The following ZNF716 variants were observed in gnomAD, a reference collection of about 807,000 sequenced individuals.
ZNF716 encodes the protein zinc finger protein 716.
ZNF716 carries 9 observed loss-of-function variants against 13.4 expected under a neutral mutation model. The ratio of observed to expected loss-of-function variants is 0.67; its 90% CI spans 0.41 to 1.18. The LOEUF is 1.18. ZNF716 is among the 50% of genes most tolerant of loss of function. The probability of loss-of-function intolerance (pLI) is 0.01; values close to 1 mark genes in which losing one functional copy is unlikely to be tolerated. For synonymous variants in ZNF716, 186 were observed against 195.2 expected (o/e 0.95, Z 0.39); for missense variants, 581 against 576.6 (o/e 1.01, Z -0.08).
At chr7:57,467,297 C>A (rs1789833998) in intron 3 of ZNF716, among the ~76,000 whole-genome samples, 1 of 151,890 alleles carries the variant, frequency 6.6e-6, no homozygotes, top group East Asian at 1.9e-4. Context: ...ATGCCACAGA[C>A]TTTTATTTTT....
chr7:57,468,619 T>C, intron 3 of ZNF716, 105 bp from the exon 4 acceptor site: 1 of 1,162,102 alleles, frequency 8.6e-7, no homozygotes. Flanking sequence ...TATTTTGATA[T>C]GCCATTTTGC....
At chr7:57,450,905 G>C (rs1789478221) in intron 1 of ZNF716, among the ~76,000 whole-genome samples, 1 of 152,166 alleles carries the variant, frequency 6.6e-6, no homozygotes, top group South Asian at 2.1e-4. Flanking sequence ...CAGTTAGGTA[G>C]TTTCCTTGTT....
At chr7:57,468,616 A>G (rs1562679220) in intron 3 of ZNF716, 108 bp from the exon 4 acceptor site, 4 of 1,130,472 alleles carry the variant, frequency 3.5e-6, no homozygotes, top group Non-Finnish European at 4.9e-6. Context: ...TGGTATTTTG[A>G]TATGCCATTT....
At chr7:57,453,313 C>G (rs1290529080) in intron 1 of ZNF716, among the ~76,000 whole-genome samples, 1 of 152,142 alleles carries the variant, frequency 6.6e-6, no homozygotes, top group Non-Finnish European at 1.5e-5. Context: ...GCATGGGAGA[C>G]TCTCTCAAGT....
At chr7:57,452,187 C>T (rs1789509796) in intron 1 of ZNF716, among the ~76,000 whole-genome samples, 1 of 152,124 alleles carries the variant, frequency 6.6e-6, no homozygotes, top group South Asian at 2.1e-4. Flanking sequence ...ACTTTTCTTT[C>T]TAACTCATAT....
chr7:57,453,723 A>T lies in ZNF716; in HGVS notation c.39+3396A>T, dbSNP rs112440198. On this transcript the variant is annotated intron_variant, in intron 1 of 3. Coordinates refer to ENST00000420713, the MANE Select transcript of ZNF716 (RefSeq NM_001159279.1). ...CATTATGGCTGTCGGAAATGAATAC[A>T]TTTGCACAATAAAATGTGTGAGATA... Among the ~76,000 whole-genome samples, 23 of 152,340 alleles carry T rather than the reference A, an allele frequency of 1.5e-4. 1 individual carries two copies. The highest frequency in any genetic ancestry group is 5.1e-4 in the African/African-American group (21 of 41,580).
intron 2 of ZNF716, 91 bp downstream of exon 2, chr7:57,462,677 T>G: frequency 1.4e-6 from 2 of 1,387,770 alleles, no homozygotes; most frequent in South Asian, 1.3e-5. Flanking sequence ...CATGAATGAA[T>G]TTTAGCTCTC....
chr7:57,458,395 T>C (rs1789642227), intron 1 of ZNF716, among the ~76,000 whole-genome samples: 1 of 152,224 alleles, frequency 6.6e-6, no homozygotes. Flanking sequence ...AATCAACTTC[T>C]GGTTTTGTTG....
Position 57,459,579 on chromosome 7 carries a change from C to A in ZNF716, c.40-2881C>A, listed in dbSNP as rs1219496995. Among the ~76,000 whole-genome samples, 5 of 152,140 alleles carry A rather than the reference C, an allele frequency of 3.3e-5. No homozygotes were observed. The South Asian group carries it at 1.0e-3, about 31-fold the overall frequency. ...TTGTTGAAAAAGCCCATTCCTGGAC[C>A]CTTTTGGATCCCGCAGAATCACATT... On this transcript the variant is annotated intron_variant, in intron 1 of 3. Transcript: ENST00000420713.
chr7:57,464,116 T>TTTTTC (rs1789760815), intron 3 of ZNF716, among the ~76,000 whole-genome samples: 1 of 78,918 alleles, frequency 1.3e-5, no homozygotes, highest in African/African-American at 5.4e-5. Flanking sequence ...TGTCCATTTC[T>TTTTTC]TTTTTCTTTT....
chr7:57,457,759 G>A (rs568710856), intron 1 of ZNF716, among the ~76,000 whole-genome samples: 41 of 152,168 alleles, frequency 2.7e-4, no homozygotes, highest in Non-Finnish European at 1.8e-4. Flanking sequence ...CACTCAGGTA[G>A]TAAGCATAGT....
rs1554323237 is a variant in ZNF716 at position 57,462,355 on chromosome 7, T to C, written c.40-105T>C. On this transcript the variant is annotated intron_variant, in intron 1 of 3. Coordinates refer to ENST00000420713, the MANE Select transcript of ZNF716 (RefSeq NM_001159279.1). ...ACAAGTCAGAACCACTTCTTTTTAC[T>C]CTCTTATTTAACATGAGTCAAATAA... 5 of 1,321,564 alleles carry C rather than the reference T, an allele frequency of 3.8e-6. No homozygotes were observed. In the Admixed American group the frequency reaches 8.2e-5, roughly 22 times the overall value. The allele number at this position is 1,321,564 out of a possible 1,614,324, so 81.9% of individuals were successfully genotyped here. A position where few individuals can be genotyped will look rare whatever the true frequency, so the allele number is the denominator to read the frequency against.
In ZNF716 at chr7:57,467,234, T is replaced by C. The variant is rs561296586; in HGVS notation, c.263-1490T>C. ...TGTTTTTTGATTATTTTTATGCTTA[T>C]ATCTTTCAAATTTTAAAGAACAACT... On this transcript the variant is annotated intron_variant, in intron 3 of 3. Coordinates refer to ENST00000420713, the MANE Select transcript of ZNF716 (RefSeq NM_001159279.1). Among the ~76,000 whole-genome samples, 39 of 152,280 alleles carry C rather than the reference T, an allele frequency of 2.6e-4. No individual in the cohort carries two copies. The South Asian group carries it at 6.4e-3, about 25-fold the overall frequency.
chr7:57,460,838 C>T (rs2116413412), intron 1 of ZNF716, among the ~76,000 whole-genome samples: 1 of 152,174 alleles, frequency 6.6e-6, no homozygotes, highest in Non-Finnish European at 1.5e-5. Flanking sequence ...GCATTTATTA[C>T]CCAGAAAGTT....
chr7:57,459,607 A>G (rs1789670664), intron 1 of ZNF716, among the ~76,000 whole-genome samples: 1 of 152,340 alleles, frequency 6.6e-6, no homozygotes, highest in East Asian at 1.9e-4. Flanking sequence ...ATCACATTGC[A>G]TAAAGCAGGG....
In ZNF716 at chr7:57,469,681, C is replaced by T. The variant is rs1789888044; in HGVS notation, c.1220C>T (p.Pro407Leu). The T allele has an allele frequency of 6.2e-7, 1 of 1,609,396 alleles. No individual in the cohort carries two copies. Residue 407 changes from proline (P) to leucine (L), a missense_variant, in exon 4 of 4, where the codon CCC (proline) becomes CTC (leucine). Transcript: ENST00000420713. ...AAGAGAACTCATACTGGAGAGAAAC[C>T]CTACAAATGTGAAGAATGTGGCAAA... ...YHKRTHTGEK[P>L]YKCEECGKAF...
intron 1 of ZNF716, 88 bp downstream of exon 1, chr7:57,450,415 G>T: frequency 6.2e-7 from 1 of 1,608,786 alleles, no homozygotes. Flanking sequence ...AAACTTCCTC[G>T]CAGTCAGCTC....
At chr7:57,457,182 G>GT (rs1284137333) in intron 1 of ZNF716, among the ~76,000 whole-genome samples, 10 of 152,250 alleles carry the variant, frequency 6.6e-5, no homozygotes, top group African/African-American at 2.4e-4. Flanking sequence ...GCAGCAACCT[G>GT]TTTCCTCCAC....
intron 1 of ZNF716, among the ~76,000 whole-genome samples, chr7:57,459,307 A>C (rs1554322623): frequency 6.6e-6 from 1 of 151,202 alleles, no homozygotes. Context: ...GTACCTGCTT[A>C]GTACATGTGT....
Sources: gnomAD v4.1 joint callset for allele counts (sites outside exome capture counted in the v4.1 genomes callset) on GRCh38, gnomAD v4.1.1 for gene constraint, MANE v1.5 for transcripts, NCBI Gene and HGNC (gene_info 2026-07-23, HGNC 2026-07-21) for gene names.